NEGR1: variants seen among roughly 807,000 people sequenced by gnomAD.
The protein encoded by NEGR1 is IgLON family member 4.
In NEGR1, 10 loss-of-function variants were observed where a neutral mutation model predicts 40.9. The observed-to-expected ratio is 0.24, with a 90% confidence interval of 0.15 to 0.42. NEGR1 has a LOEUF of 0.42. Among genes scored for constraint, NEGR1 ranks in the 10% least tolerant of loss-of-function variants. The probability of loss-of-function intolerance (pLI) is 1.00; values close to 1 mark genes in which losing one functional copy is unlikely to be tolerated. For synonymous variants in NEGR1, 185 were observed against 166.8 expected (o/e 1.11, Z -0.84); for missense variants, 352 against 438.9 (o/e 0.80, Z 1.77).
intron 6 of NEGR1, among the ~76,000 whole-genome samples, chr1:71,452,331 CA>C (rs1646635069): frequency 6.6e-6 from 1 of 152,094 alleles, no homozygotes; most frequent in Non-Finnish European, 1.5e-5. Context: ...TCACTTTTAA[CA>C]AGTTTTCTTG....
Position 72,103,742 on chromosome 1 carries a change from T to G in NEGR1, c.177-168431A>C, listed in dbSNP as rs1157571758. 2.0e-5 allele frequency among the ~76,000 whole-genome samples: 3 copies of G among 152,130 alleles called. No homozygotes were observed. The East Asian group carries it at 5.8e-4, about 30-fold the overall frequency. On this transcript the variant is annotated intron_variant, in intron 1 of 6. Transcript: ENST00000357731. Reference sequence around the variant, plus strand: ...TTATATTTTCTCTTTCTCCCACTTTTCCTGCCGCCCTTCAACAAGCAGAGT... The same window carrying G: ...TTATATTTTCTCTTTCTCCCACTTTGCCTGCCGCCCTTCAACAAGCAGAGT...
chr1:72,050,889 A>C (rs1647053646), intron 1 of NEGR1, among the ~76,000 whole-genome samples: 1 of 151,532 alleles, frequency 6.6e-6, no homozygotes, highest in Admixed American at 6.6e-5. Flanking sequence ...AGAGTAGAAC[A>C]GAAGTTTTCT....
chr1:71,483,803 C>T (rs1238299145), intron 6 of NEGR1, among the ~76,000 whole-genome samples: 1 of 151,746 alleles, frequency 6.6e-6, no homozygotes, highest in Non-Finnish European at 1.5e-5. Context: ...CTAAGACTTT[C>T]TGGCTTTTGG....
At chr1:71,449,221 TC>T (rs1393903187) in intron 6 of NEGR1, among the ~76,000 whole-genome samples, 1 of 152,198 alleles carries the variant, frequency 6.6e-6, no homozygotes, top group Non-Finnish European at 1.5e-5. Flanking sequence ...GTTCAATCAT[TC>T]ATATGAAAAT....
intron 1 of NEGR1, among the ~76,000 whole-genome samples, chr1:72,084,920 G>A (rs377732156): frequency 5.3e-5 from 8 of 152,176 alleles, no homozygotes; most frequent in African/African-American, 1.9e-4. Context: ...TTATAAAAGT[G>A]AGTATTAAAT....
intron 6 of NEGR1, among the ~76,000 whole-genome samples, chr1:71,575,111 G>T (rs992605460): frequency 1.3e-5 from 2 of 152,152 alleles, no homozygotes; most frequent in African/African-American, 4.8e-5. Flanking sequence ...ACTCAGTATG[G>T]TGCTAGCTGA....
chr1:71,826,146 G>C (rs1198705775), intron 2 of NEGR1, among the ~76,000 whole-genome samples: 1 of 151,744 alleles, frequency 6.6e-6, no homozygotes, highest in Admixed American at 6.6e-5. Context: ...ATCTAAAATT[G>C]TTTGGATTTT....
intron 3 of NEGR1, among the ~76,000 whole-genome samples, chr1:71,734,891 CT>C (rs2101668636): frequency 6.7e-6 from 1 of 148,786 alleles, no homozygotes; most frequent in African/African-American, 2.4e-5. Flanking sequence ...TCTGCCTGCT[CT>C]TCTTCAGTTA....
rs1231006548 is a variant in NEGR1 at position 71,776,184 on chromosome 1, T to C, written c.523A>G (p.Ile175Val). The C allele has an allele frequency of 6.2e-7, 1 of 1,609,114 alleles. No individual in the cohort carries two copies. Among genetic ancestry groups the C allele is most frequent in the African/African-American group, 1.3e-5 (1 of 74,708 alleles). ...KPEPSISWRHISPSAKPFENG... is the reference protein window; with the variant it reads ...KPEPSISWRHVSPSAKPFENG... ...ATTCCTACTTTACCTGATGGGGAGA[T>C]GTGTCGCCAAGAAATGGAAGGCTCT... The change falls in exon 3 of 7, where the codon ATC becomes GTC. Residue 175 changes from isoleucine to valine, a missense_variant. Ile to Val is a conservative substitution (Grantham distance 29). Coordinates refer to ENST00000357731, the MANE Select transcript of NEGR1 (RefSeq NM_173808.3).
At chr1:71,771,436 T>C (rs1461965987) in intron 3 of NEGR1, among the ~76,000 whole-genome samples, 1 of 151,868 alleles carries the variant, frequency 6.6e-6, no homozygotes, top group Non-Finnish European at 1.5e-5. Flanking sequence ...ACCCCAGAAC[T>C]TAAAGTATCA....
chr1:72,212,248 T>C (rs1653637066), intron 1 of NEGR1, among the ~76,000 whole-genome samples: 1 of 152,006 alleles, frequency 6.6e-6, no homozygotes, highest in South Asian at 2.1e-4. Context: ...ATCAATTAAC[T>C]TTATTAAATG....
At chr1:71,842,256 A>G (rs1659268514) in intron 2 of NEGR1, among the ~76,000 whole-genome samples, 1 of 152,120 alleles carries the variant, frequency 6.6e-6, no homozygotes, top group South Asian at 2.1e-4. Flanking sequence ...ATAGAGTGAA[A>G]GGGAAGGTTA....
chr1:71,778,378 T>C (rs899718557), intron 2 of NEGR1, among the ~76,000 whole-genome samples: 1 of 152,134 alleles, frequency 6.6e-6, no homozygotes, highest in African/African-American at 2.4e-5. Flanking sequence ...CGACATTTTA[T>C]TATAAAACAG....
At chr1:72,170,766 T>C (rs913155062) in intron 1 of NEGR1, among the ~76,000 whole-genome samples, 4 of 152,220 alleles carry the variant, frequency 2.6e-5, no homozygotes, top group African/African-American at 9.6e-5. Flanking sequence ...GTATTCACTG[T>C]TGTTTTTGGG....
chr1:71,822,953 G>A (rs983641409), intron 2 of NEGR1, among the ~76,000 whole-genome samples: 5 of 152,026 alleles, frequency 3.3e-5, no homozygotes, highest in African/African-American at 1.2e-4. Flanking sequence ...GCAGGCAATA[G>A]TCTGAGAGGA....
intron 1 of NEGR1, among the ~76,000 whole-genome samples, chr1:72,070,897 T>C (rs1368170158): frequency 1.3e-5 from 2 of 152,102 alleles, no homozygotes; most frequent in Non-Finnish European, 2.9e-5. Flanking sequence ...AAGTTTATGC[T>C]ATCTCTACCT....
chr1:71,978,465 A>T (rs778189271), intron 1 of NEGR1, among the ~76,000 whole-genome samples: 1 of 152,176 alleles, frequency 6.6e-6, no homozygotes, highest in Admixed American at 6.6e-5. Flanking sequence ...TTGAAAATAA[A>T]TACAAATTAT....
At chr1:72,175,915 G>A (rs1652147797) in intron 1 of NEGR1, among the ~76,000 whole-genome samples, 1 of 152,006 alleles carries the variant, frequency 6.6e-6, no homozygotes, top group Non-Finnish European at 1.5e-5. Flanking sequence ...TTATGTCAGT[G>A]GTTTGAATGT....
intron 1 of NEGR1, among the ~76,000 whole-genome samples, chr1:72,065,966 C>T (rs1647261852): frequency 6.6e-6 from 1 of 152,090 alleles, no homozygotes; most frequent in Non-Finnish European, 1.5e-5. Flanking sequence ...AGAGTCCATA[C>T]ATTTAACCAA....
Sources: gnomAD v4.1 joint callset for allele counts (sites outside exome capture counted in the v4.1 genomes callset) on GRCh38, gnomAD v4.1.1 for gene constraint, MANE v1.5 for transcripts, NCBI Gene and HGNC (gene_info 2026-07-23, HGNC 2026-07-21) for gene names.